The following FBXO34 variants were observed in gnomAD, a reference collection of about 807,000 sequenced individuals.
FBXO34 encodes F-box only protein 34.
A neutral mutation model predicts 24.5 loss-of-function variants in FBXO34; 12 were observed. That is an observed-to-expected ratio of 0.49 (90% CI 0.31 to 0.79). The LOEUF (loss-of-function observed/expected upper bound fraction) is 0.79. Among genes scored for constraint, FBXO34 ranks in the 30% least tolerant of loss-of-function variants. FBXO34 has a pLI of 0.04. For missense variants in FBXO34, 823 were observed against 857.7 expected (o/e 0.96, Z 0.51); for synonymous variants, 320 against 311.9 (o/e 1.03, Z -0.27).
the FBXO34 span, among the ~76,000 whole-genome samples, chr14:55,419,293 T>A: frequency 6.6e-6 from 1 of 152,212 alleles, no homozygotes; most frequent in Non-Finnish European, 1.5e-5. Context: ...AGGTATAAAG[T>A]ACAACTCACA....
rs145093703 is a variant in FBXO34 at position 55,342,265 on chromosome 14, T to C, written c.-10-8116T>C. Among the ~76,000 whole-genome samples, 26 of 152,314 alleles carry C rather than the reference T, an allele frequency of 1.7e-4. No homozygotes were observed. The East Asian group carries it at 4.6e-3, about 27-fold the overall frequency. ...ATTGTGAATTCTAAGATGGAAGCCG[T>C]GAGCAGTTTTTGAAAACCATACATG... On this transcript the variant is annotated intron_variant, in intron 1 of 1. Transcript: ENST00000313833.
chr14:55,290,347 G>A (rs909190058), intron 1 of FBXO34, among the ~76,000 whole-genome samples: 3 of 151,510 alleles, frequency 2.0e-5, no homozygotes, highest in Non-Finnish European at 4.4e-5. Context: ...AGCCGAGATC[G>A]AGCCATTGCA....
chr14:55,395,150 AG>A, the FBXO34 span: 1 of 470,844 alleles, frequency 2.1e-6, no homozygotes, highest in Non-Finnish European at 4.4e-6. Context: ...TTGCAGGAGC[AG>A]GTTCAGCTGA....
At chr14:55,316,485 G>T (rs2140011710) in intron 1 of FBXO34, among the ~76,000 whole-genome samples, 1 of 151,848 alleles carries the variant, frequency 6.6e-6, no homozygotes, top group East Asian at 1.9e-4. Flanking sequence ...CCAGCACTTT[G>T]GGAGGTAGAG....
chr14:55,330,858 A>G (rs974150614), intron 1 of FBXO34, among the ~76,000 whole-genome samples: 1 of 152,062 alleles, frequency 6.6e-6, no homozygotes, highest in African/African-American at 2.4e-5. Context: ...CCTTTTATAT[A>G]CTGTGTACCT....
the FBXO34 span, among the ~76,000 whole-genome samples, chr14:55,394,067 C>T: frequency 4.9e-4 from 72 of 146,384 alleles, no homozygotes; most frequent in South Asian, 1.1e-3. Context: ...AGTACAGTGG[C>T]GCAATCTCGG....
the FBXO34 span, among the ~76,000 whole-genome samples, chr14:55,424,611 G>A: frequency 0.69 from 105,496 of 152,102 alleles, 36,736 homozygotes; most frequent in South Asian, 0.74. Flanking sequence ...GTTTTTCTGG[G>A]TTTCCAAATT....
At chr14:55,414,547 T>G in the FBXO34 span, 467 of 922,552 alleles carry the variant, frequency 5.1e-4, 1 homozygote, top group Non-Finnish European at 6.7e-4. Context: ...CTCCAATTAC[T>G]TTTAATATGA....
At chr14:55,432,531 A>G in the FBXO34 span, among the ~76,000 whole-genome samples, 1 of 94,988 alleles carries the variant, frequency 1.1e-5, no homozygotes, top group Non-Finnish European at 1.8e-5. Flanking sequence ...ACAAAACAAA[A>G]ACAAAAGATA....
chr14:55,399,475 T>C, the FBXO34 span, among the ~76,000 whole-genome samples: 2 of 152,210 alleles, frequency 1.3e-5, no homozygotes, highest in Admixed American at 1.3e-4. Flanking sequence ...GGAATGTGGA[T>C]GAACCCATAG....
chr14:55,369,532 TCTTAA>T (rs1342431632), downstream of FBXO34: 107 of 1,258,508 alleles, frequency 8.5e-5, no homozygotes, highest in Middle Eastern at 2.9e-4. Flanking sequence ...CCAGACACTA[TCTTAA>T]CTTAAACAGA....
chr14:55,370,010 T>A, downstream of FBXO34: 1 of 1,306,132 alleles, frequency 7.7e-7, no homozygotes, highest in South Asian at 1.6e-5. Context: ...GGCCCTCACC[T>A]GAGGGGATGA....
chr14:55,322,990 G>A (rs1224899387), intron 1 of FBXO34, among the ~76,000 whole-genome samples: 1 of 136,164 alleles, frequency 7.3e-6, no homozygotes, highest in Non-Finnish European at 1.5e-5. Context: ...CGGCTAACAC[G>A]GTGAAACCCC....
At chr14:55,336,824 T>TAAAA (rs10649185) in intron 1 of FBXO34, among the ~76,000 whole-genome samples, 20 of 142,618 alleles carry the variant, frequency 1.4e-4, no homozygotes, top group East Asian at 1.0e-3. Flanking sequence ...CCCAGAAATG[T>TAAAA]AAAAAAAAAA....
chr14:55,435,987 A>C, the FBXO34 span: 1 of 1,169,574 alleles, frequency 8.6e-7, no homozygotes, highest in Non-Finnish European at 1.2e-6. Flanking sequence ...GAGTAAAAAA[A>C]AAAAAAGACA....
chr14:55,359,790 A>G (rs1228344972), intron 3 of FBXO34, among the ~76,000 whole-genome samples: 1 of 152,090 alleles, frequency 6.6e-6, no homozygotes, highest in East Asian at 1.9e-4. Flanking sequence ...TAGCATCTTT[A>G]TCAGGAATAG....
chr14:55,275,668 C>A (rs372051401), intron 1 of FBXO34, among the ~76,000 whole-genome samples: 8,732 of 145,780 alleles, frequency 0.06, 322 homozygotes, highest in South Asian at 0.093. Context: ...AAAAAAAATA[C>A]AAAAAATTAG....
chr14:55,295,387 ATTTTTTTTTTTTTT>A (rs3051307), intron 1 of FBXO34, among the ~76,000 whole-genome samples: 1 of 91,410 alleles, frequency 1.1e-5, no homozygotes, highest in Non-Finnish European at 2.0e-5. Flanking sequence ...ATTCTTTTCT[ATTTTTTTTTTTTTT>A]TTTTTTTTTG....
intron 1 of FBXO34, among the ~76,000 whole-genome samples, chr14:55,335,653 T>C (rs1424074664): frequency 1.3e-5 from 2 of 152,302 alleles, no homozygotes; most frequent in South Asian, 2.1e-4. Context: ...AAGCACATTT[T>C]AAAAAATGAC....
Sources: gnomAD v4.1 joint callset for allele counts (sites outside exome capture counted in the v4.1 genomes callset) on GRCh38, gnomAD v4.1.1 for gene constraint, MANE v1.5 for transcripts, NCBI Gene and HGNC (gene_info 2026-07-23, HGNC 2026-07-21) for gene names.